The following MNAT1 variants were observed in gnomAD, a reference collection of about 807,000 sequenced individuals.
MNAT1 encodes the protein CDK-activating kinase assembly factor MAT1.
In MNAT1, 43 loss-of-function variants were observed where a neutral mutation model predicts 42.0. That is an observed-to-expected ratio of 1.02 (90% CI 0.80 to 1.32). The LOEUF (loss-of-function observed/expected upper bound fraction) is 1.32, where lower values mean the gene tolerates loss of function less well. Ranked by LOEUF, MNAT1 falls within the 40% of genes most tolerant of loss-of-function variation. The probability of loss-of-function intolerance (pLI) is 0.00; values close to 1 mark genes in which losing one functional copy is unlikely to be tolerated. For synonymous variants in MNAT1, 118 were observed against 120.0 expected, an observed-to-expected ratio of 0.98 and a Z score of 0.11; for missense variants, 306 against 350.4, an observed-to-expected ratio of 0.87 and a Z score of 1.01.
chr14:60,756,096 C>G (rs907532287), intron 1 of MNAT1, among the ~76,000 whole-genome samples: 3 of 152,072 alleles, frequency 2.0e-5, no homozygotes, highest in Non-Finnish European at 4.4e-5. Flanking sequence ...TTATTTCTTT[C>G]ATTATGATGC....
At chr14:60,966,716 A>G (rs1594919049) in intron 7 of MNAT1, among the ~76,000 whole-genome samples, 1 of 150,802 alleles carries the variant, frequency 6.6e-6, no homozygotes. Context: ...GTTTTGCCAT[A>G]TTGGCCAGGC....
At chr14:60,848,382 A>G (rs769705306) in intron 6 of MNAT1, among the ~76,000 whole-genome samples, 1 of 151,988 alleles carries the variant, frequency 6.6e-6, no homozygotes, top group Non-Finnish European at 1.5e-5. Context: ...CAGGGCTTTA[A>G]CTTTACTAAT....
At chr14:60,808,534 T>A in intron 4 of MNAT1, 106 bp downstream of exon 4, 1 of 692,964 alleles carries the variant, frequency 1.4e-6, no homozygotes, top group South Asian at 2.1e-5. Context: ...TATAGAAAAT[T>A]TAGCTGAAAT....
chr14:60,816,974 TAA>T (rs2032735161), intron 5 of MNAT1, among the ~76,000 whole-genome samples: 2 of 152,012 alleles, frequency 1.3e-5, no homozygotes, highest in African/African-American at 2.4e-5. Flanking sequence ...TAAAACAAGC[TAA>T]AGTCTTGACT....
In MNAT1 at chr14:60,948,440, T is replaced by C. The variant is rs552291719; in HGVS notation, c.810-19789T>C. On this transcript the variant is annotated intron_variant, in intron 7 of 7. Coordinates refer to ENST00000261245, the MANE Select transcript of MNAT1 (RefSeq NM_002431.4). Reference sequence around the variant, plus strand: ...CTGTCTCTAAACAAACAAAAAAAGATATTCGAGGCATACAGAACCCTCAGG... The same window carrying C: ...CTGTCTCTAAACAAACAAAAAAAGACATTCGAGGCATACAGAACCCTCAGG... Among the ~76,000 whole-genome samples the C allele has an allele frequency of 2.0e-5, 3 of 152,168 alleles. No homozygotes were observed. In the East Asian group the frequency reaches 5.8e-4, roughly 29 times the overall value.
At chr14:60,829,157 C>T (rs999001333) in intron 6 of MNAT1, among the ~76,000 whole-genome samples, 2 of 152,118 alleles carry the variant, frequency 1.3e-5, no homozygotes, top group East Asian at 3.9e-4. Flanking sequence ...AAAGTTGGTT[C>T]CCTTTGCAAT....
intron 6 of MNAT1, among the ~76,000 whole-genome samples, chr14:60,821,161 A>G (rs564309993): frequency 6.6e-6 from 1 of 152,206 alleles, no homozygotes; most frequent in African/African-American, 2.4e-5. Context: ...TAAAATTTTA[A>G]TATAGAGACA....
intron 7 of MNAT1, among the ~76,000 whole-genome samples, chr14:60,914,363 A>G (rs567119890): frequency 6.6e-6 from 1 of 152,290 alleles, no homozygotes; most frequent in South Asian, 2.1e-4. Flanking sequence ...TCCCTGTGAG[A>G]TGAACCCGGT....
At position 60,926,673 on chromosome 14, in the gene MNAT1, C is replaced by G. The variant is rs140626463; in HGVS notation, c.810-41556C>G. Reference sequence around the variant, plus strand: ...GCCACGCACCCGCCACGGATCTCCACAAGTTCAGCTGTGCAGAAGCTCATC... The same window carrying G: ...GCCACGCACCCGCCACGGATCTCCAGAAGTTCAGCTGTGCAGAAGCTCATC... On this transcript the variant is annotated intron_variant, in intron 7 of 7. Coordinates refer to ENST00000261245, the MANE Select transcript of MNAT1 (RefSeq NM_002431.4). Among the ~76,000 whole-genome samples, 57 of 152,294 alleles carry G rather than the reference C, an allele frequency of 3.7e-4. No homozygotes were observed. The East Asian group carries it at 0.011, about 29-fold the overall frequency.
intron 3 of MNAT1, among the ~76,000 whole-genome samples, chr14:60,802,931 C>CT (rs562133472): frequency 0.023 from 3,100 of 133,290 alleles, 42 homozygotes; most frequent in Non-Finnish European, 0.03. Context: ...ATAAATAAAA[C>CT]TTTTTTTTTT....
At position 60,811,970 on chromosome 14, in the gene MNAT1, A is replaced by G. The variant is rs775980289; in HGVS notation, c.421-17A>G. The G allele has an allele frequency of 5.2e-6, 8 of 1,551,932 alleles. No individual in the cohort carries two copies. The Admixed American group carries it at 6.2e-5, about 12-fold the overall frequency. Reference sequence around the variant, plus strand: ...CTCCTAAATTTATTCCACGCCATATATAAATTTTTGTTTTAGACTCGAGAA... The same window carrying G: ...CTCCTAAATTTATTCCACGCCATATGTAAATTTTTGTTTTAGACTCGAGAA... On this transcript the variant is annotated splice_polypyrimidine_tract_variant and intron_variant, in intron 4 of 7. Coordinates refer to ENST00000261245, the MANE Select transcript of MNAT1 (RefSeq NM_002431.4).
chr14:60,772,891 G>A (rs987437526), intron 1 of MNAT1, among the ~76,000 whole-genome samples: 1 of 142,498 alleles, frequency 7.0e-6, no homozygotes, highest in Non-Finnish European at 1.5e-5. Context: ...AAGAGCTGCT[G>A]TTTTTTTTTT....
At position 60,879,688 on chromosome 14, in the gene MNAT1, A is replaced by G. The variant is rs1217438601; in HGVS notation, c.688-26A>G. The G allele has an allele frequency of 2.5e-6, 4 of 1,592,646 alleles. No homozygotes were observed. The East Asian group carries it at 6.7e-5, about 27-fold the overall frequency. On this transcript the variant is annotated intron_variant, in intron 6 of 7. Coordinates refer to ENST00000261245, the MANE Select transcript of MNAT1 (RefSeq NM_002431.4). ...CAATATGAAAATAATAATAAGAGGT[A>G]TTAAGTTCCTTCATTTTTCTAACAG...
chr14:60,948,121 C>T (rs575960654), intron 7 of MNAT1, among the ~76,000 whole-genome samples: 36 of 152,256 alleles, frequency 2.4e-4, no homozygotes, highest in African/African-American at 8.7e-4. Context: ...CTTGAGCCCC[C>T]ATTGTCTGTT....
At chr14:60,860,001 A>G (rs1417092901) in intron 6 of MNAT1, among the ~76,000 whole-genome samples, 6 of 152,188 alleles carry the variant, frequency 3.9e-5, no homozygotes, top group East Asian at 1.9e-4. Context: ...AAGAAAGATC[A>G]AGTTTTCTCT....
intron 7 of MNAT1, among the ~76,000 whole-genome samples, chr14:60,917,113 TAGA>T (rs913023462): frequency 1.3e-5 from 2 of 152,162 alleles, no homozygotes; most frequent in African/African-American, 4.8e-5. Flanking sequence ...CCTAAACACA[TAGA>T]AGAAGTCACC....
At chr14:60,924,403 CTG>C (rs2035724409) in intron 7 of MNAT1, among the ~76,000 whole-genome samples, 3 of 130,310 alleles carry the variant, frequency 2.3e-5, no homozygotes, top group East Asian at 2.3e-4. Flanking sequence ...AAAAAAAAAA[CTG>C]TACTCCATGC....
At chr14:60,921,128 C>G (rs2035650806) in intron 7 of MNAT1, among the ~76,000 whole-genome samples, 1 of 152,076 alleles carries the variant, frequency 6.6e-6, no homozygotes, top group Non-Finnish European at 1.5e-5. Context: ...AAACATAAAC[C>G]TAAGAAATAT....
intron 6 of MNAT1, among the ~76,000 whole-genome samples, chr14:60,875,841 T>C (rs995573714): frequency 2.6e-5 from 4 of 152,140 alleles, no homozygotes; most frequent in African/African-American, 4.8e-5. Context: ...TTAAGTATTA[T>C]CTTCCTTGGA....
Sources: gnomAD v4.1 joint callset for allele counts (sites outside exome capture counted in the v4.1 genomes callset) on GRCh38, gnomAD v4.1.1 for gene constraint, MANE v1.5 for transcripts, NCBI Gene and HGNC (gene_info 2026-07-23, HGNC 2026-07-21) for gene names.